Variants in CYP4Z1 observed in about 807,000 individuals in gnomAD.
The protein encoded by CYP4Z1 is cytochrome P450 4Z1.
In CYP4Z1, 41 loss-of-function variants were observed where a neutral mutation model predicts 54.2. The observed-to-expected ratio is 0.76, with a 90% CI of 0.59 to 0.98. The LOEUF is 0.98. Among genes scored for constraint, CYP4Z1 ranks in the 50% least tolerant of loss-of-function variants. The probability of loss-of-function intolerance (pLI) is 0.00; values close to 1 mark genes in which losing one functional copy is unlikely to be tolerated. For missense variants in CYP4Z1, 513 were observed against 599.0 expected (o/e 0.86, Z 1.50); for synonymous variants, 163 against 206.2 (o/e 0.79, Z 1.79).
In CYP4Z1 at chr1:47,067,252, C is replaced by A. The variant is rs1364201362; in HGVS notation, c.-239C>A. ...TTTCATATGGGTGTGAGCTGTCATG[C>A]ACATGGCTCCTATCTGAAAATCTTG... is the stretch of plus-strand genomic sequence containing the variant. On this transcript the variant is annotated 5_prime_UTR_variant, in exon 1 of 12. Transcript: ENST00000334194. Among the ~76,000 whole-genome samples the A allele has an allele frequency of 5.3e-5, 8 of 152,162 alleles. No homozygotes were observed. The highest frequency in any genetic ancestry group is 3.2e-3 in the Middle Eastern group (1 of 316).
intron 9 of CYP4Z1, among the ~76,000 whole-genome samples, chr1:47,111,598 C>T (rs367772219): frequency 1.2e-3 from 185 of 152,296 alleles, no homozygotes; most frequent in African/African-American, 4.2e-3. Context: ...ATAAAGTATA[C>T]AGACGATCTA....
chr1:47,088,524 G>T (rs77796599), intron 6 of CYP4Z1, among the ~76,000 whole-genome samples: 24,355 of 151,772 alleles, frequency 0.16, 2,708 homozygotes, highest in African/African-American at 0.32. Context: ...TTGTATTTCT[G>T]TGGGATTGGT....
the CYP4Z1 span, among the ~76,000 whole-genome samples, chr1:47,057,835 C>T: frequency 6.6e-6 from 1 of 151,864 alleles, no homozygotes; most frequent in East Asian, 1.9e-4. Context: ...TTTTTCTTGA[C>T]TATGGGTCAT....
At chr1:47,094,788 A>C (rs1569733139) in intron 7 of CYP4Z1, 119 bp downstream of exon 7, 2 of 593,990 alleles carry the variant, frequency 3.4e-6, no homozygotes, top group East Asian at 6.8e-5. Flanking sequence ...CGGGCAGATC[A>C]CTTGAGGTCA....
intron 2 of CYP4Z1, among the ~76,000 whole-genome samples, chr1:47,069,669 T>G (rs1230430911): frequency 2.0e-5 from 3 of 151,932 alleles, no homozygotes; most frequent in Non-Finnish European, 4.4e-5. Context: ...CTCTCTTCAG[T>G]GTGTTCACTC....
chr1:47,067,700 G>C, intron 1 of CYP4Z1, 33 bp downstream of exon 1: 1 of 1,543,086 alleles, frequency 6.5e-7, no homozygotes. Context: ...GGAGGTTAAG[G>C]GACAGAAAGA....
upstream of CYP4Z1, among the ~76,000 whole-genome samples, chr1:47,066,807 T>C (rs1644453684): frequency 2.0e-5 from 3 of 151,562 alleles, no homozygotes; most frequent in South Asian, 6.2e-4. Flanking sequence ...AAAATTAATA[T>C]ACACAAATAA....
Position 47,117,881 on chromosome 1 carries a change from G to A in CYP4Z1, c.1465G>A (p.Val489Ile). The change falls in exon 12 of 12, where the codon GTT becomes ATT. Residue 489 changes from valine to isoleucine, a missense_variant. Physicochemically the swap from Val to Ile is conservative, Grantham distance 29. Transcript: ENST00000334194. Reference protein sequence around the residue: ...HSRPPQPVRQVVLKSKNGIHV... With the variant: ...HSRPPQPVRQIVLKSKNGIHV... ...AAGGCCTCCCCAGCCTGTTCGTCAA[G>A]TTGTCCTCAAGTCCAAGAATGGAAT... is the stretch of plus-strand genomic sequence containing the variant. 1 of 1,613,626 alleles carries A rather than the reference G, an allele frequency of 6.2e-7. No homozygotes were observed. Among genetic ancestry groups the A allele is most frequent in the Non-Finnish European group, 8.5e-7 (1 of 1,179,756 alleles).
rs1444253706 is a variant in CYP4Z1, at chr1:47,068,478, A to C, written c.178-144A>C. The C allele has an allele frequency of 2.0e-5, 21 of 1,032,138 alleles. No individual in the cohort carries two copies. In the Middle Eastern group the frequency reaches 1.5e-3, roughly 75 times the overall value. 63.9% of individuals were successfully genotyped at this position (1,032,138 alleles called of 1,614,324 possible). A position where few individuals can be genotyped will look rare whatever the true frequency, so the allele number is the denominator to read the frequency against. On this transcript the variant is annotated intron_variant, in intron 1 of 11. Coordinates refer to ENST00000334194, the MANE Select transcript of CYP4Z1 (RefSeq NM_178134.3). Reference sequence around the variant, plus strand: ...TGGAGGTGCTGGAGACACATGGAGAAGAAAACTTGCCTTCAACAGATGTGA... The same window carrying C: ...TGGAGGTGCTGGAGACACATGGAGACGAAAACTTGCCTTCAACAGATGTGA...
intron 6 of CYP4Z1, among the ~76,000 whole-genome samples, chr1:47,086,244 T>G (rs1644593707): frequency 6.6e-6 from 1 of 152,212 alleles, no homozygotes; most frequent in Non-Finnish European, 1.5e-5. Context: ...GTATTTCTAC[T>G]TCTAGATCCT....
intron 6 of CYP4Z1, among the ~76,000 whole-genome samples, chr1:47,088,022 G>T (rs1026534674): frequency 2.6e-5 from 4 of 152,276 alleles, no homozygotes; most frequent in African/African-American, 9.6e-5. Flanking sequence ...TGTTGAACCA[G>T]CCTTGCATCC....
At chr1:47,101,193 A>G (rs1341244635) in intron 8 of CYP4Z1, among the ~76,000 whole-genome samples, 4 of 152,074 alleles carry the variant, frequency 2.6e-5, no homozygotes, top group Non-Finnish European at 4.4e-5. Flanking sequence ...TATCTTTCAA[A>G]AACCAACTTT....
chr1:47,057,483 T>A, the CYP4Z1 span, among the ~76,000 whole-genome samples: 1 of 135,278 alleles, frequency 7.4e-6, no homozygotes, highest in Non-Finnish European at 1.5e-5. Flanking sequence ...TGGTTAATTT[T>A]TTTTTTTTTT....
intron 8 of CYP4Z1, among the ~76,000 whole-genome samples, chr1:47,099,914 T>A (rs923744926): frequency 1.6e-4 from 25 of 152,180 alleles, no homozygotes; most frequent in African/African-American, 5.5e-4. Flanking sequence ...GTTGCAACCC[T>A]GGTTTAAAAG....
chr1:47,088,772 A>G lies in CYP4Z1; in HGVS notation c.772+3794A>G, dbSNP rs938783836. On this transcript the variant is annotated intron_variant, in intron 6 of 11. Transcript: ENST00000334194. The stretch of plus-strand genomic sequence containing the variant: ...GCTGGGACTACAGGTGTGTGCCACC[A>G]CACCCGGCTAAATATTGTATTTTTT... Among the ~76,000 whole-genome samples the G allele has an allele frequency of 1.3e-4, 18 of 133,744 alleles. No homozygotes were observed. The South Asian group carries it at 4.6e-3, about 34-fold the overall frequency. 87.7% of individuals were successfully genotyped at this position (133,744 alleles called of 152,430 possible).
intron 2 of CYP4Z1, among the ~76,000 whole-genome samples, chr1:47,079,033 A>G (rs1644545163): frequency 6.6e-6 from 1 of 152,130 alleles, no homozygotes; most frequent in East Asian, 1.9e-4. Flanking sequence ...TTGCCTCTCA[A>G]TGTTTTTGAG....
At chr1:47,103,034 A>T (rs1403156075) in intron 8 of CYP4Z1, among the ~76,000 whole-genome samples, 2 of 151,832 alleles carry the variant, frequency 1.3e-5, no homozygotes, top group African/African-American at 2.4e-5. Context: ...TCTTTTTTTA[A>T]AAAAATTGTA....
intron 8 of CYP4Z1, among the ~76,000 whole-genome samples, chr1:47,105,275 G>A (rs1327426632): frequency 6.6e-6 from 1 of 152,118 alleles, no homozygotes; most frequent in African/African-American, 2.4e-5. Context: ...GAACCCCAAG[G>A]CAAGACACAG....
At chr1:47,104,047 T>C (rs775014193) in intron 8 of CYP4Z1, among the ~76,000 whole-genome samples, 3 of 152,254 alleles carry the variant, frequency 2.0e-5, no homozygotes, top group Non-Finnish European at 2.9e-5. Flanking sequence ...TGTTCTTACA[T>C]TGGTATTTGT....
Sources: allele counts gnomAD v4.1 joint callset (sites outside exome capture counted in the v4.1 genomes callset), GRCh38; gene constraint gnomAD v4.1.1; transcripts MANE v1.5; gene names NCBI Gene and HGNC (gene_info 2026-07-23, HGNC 2026-07-21).